The following PTPRG variants were observed in gnomAD, a reference collection of about 807,000 sequenced individuals.
PTPRG encodes the protein receptor-type tyrosine-protein phosphatase gamma.
A neutral mutation model predicts 165.3 loss-of-function variants in PTPRG; 102 were observed. That is an observed-to-expected ratio of 0.62 (90% confidence interval 0.53 to 0.73). The LOEUF (loss-of-function observed/expected upper bound fraction) is 0.73, where lower values mean the gene tolerates loss of function less well. Ranked by LOEUF, PTPRG falls within the 30% of genes least tolerant of loss-of-function variation. PTPRG has a pLI of 0.00. For missense variants in PTPRG, 1,866 were observed against 1,861.4 expected, an observed-to-expected ratio of 1.00 and a Z score of -0.05; for synonymous variants, 675 against 669.5, an observed-to-expected ratio of 1.01 and a Z score of -0.13.
At chr3:61,792,972 C>T (rs529305155) in intron 2 of PTPRG, among the ~76,000 whole-genome samples, 1 of 152,212 alleles carries the variant, frequency 6.6e-6, no homozygotes, top group South Asian at 2.1e-4. Flanking sequence ...CATGATCTGG[C>T]CACTTCGGCC....
chr3:62,292,684 T>G, intron 29 of PTPRG, 128 bp downstream of exon 29: 1 of 1,120,390 alleles, frequency 8.9e-7, no homozygotes, highest in Non-Finnish European at 1.3e-6. Flanking sequence ...GTCTGGAGAC[T>G]TTTTTGCTTG....
rs57167995 is a variant in PTPRG, at chr3:61,949,043, G to GAAA, written c.191-40570_191-40568dup. 2.2e-3 allele frequency among the ~76,000 whole-genome samples: 289 copies of GAAA among 128,648 alleles called. 6 individuals carry two copies. In the East Asian group the frequency reaches 0.024, roughly 11 times the overall value. The allele number at this position is 128,648 out of a possible 152,430, so 84.4% of individuals were successfully genotyped here. On this transcript the variant is annotated intron_variant, in intron 2 of 29. Transcript: ENST00000474889. ...GCACTTAACAAAAAAGACAAGCCAAGAAAAAAAAAAAAAAGCCATGGGACC... is the reference window on the plus strand; with the variant it reads ...GCACTTAACAAAAAAGACAAGCCAAGAAAAAAAAAAAAAAAAAGCCATGGGACC...
intron 1 of PTPRG, among the ~76,000 whole-genome samples, chr3:61,616,542 T>G (rs1177576361): frequency 6.6e-6 from 1 of 152,194 alleles, no homozygotes; most frequent in Non-Finnish European, 1.5e-5. Flanking sequence ...TACTCTTCCG[T>G]GTAGACACTT....
chr3:62,070,552 C>T (rs779803077), intron 4 of PTPRG, among the ~76,000 whole-genome samples: 6 of 152,188 alleles, frequency 3.9e-5, no homozygotes, highest in African/African-American at 4.8e-5. Context: ...TTACGTCCTG[C>T]GTGCATACAT....
At chr3:62,014,409 T>C (rs1488458170) in intron 4 of PTPRG, among the ~76,000 whole-genome samples, 1 of 152,196 alleles carries the variant, frequency 6.6e-6, no homozygotes, top group African/African-American at 2.4e-5. Flanking sequence ...CTCTTGAGTG[T>C]TGGAGGATGT....
intron 1 of PTPRG, among the ~76,000 whole-genome samples, chr3:61,692,108 T>C (rs1160548102): frequency 6.6e-6 from 1 of 152,260 alleles, no homozygotes. Flanking sequence ...CTTCTGCTCC[T>C]ACGCAGAGTT....
At position 62,215,546 on chromosome 3, in the gene PTPRG, A is replaced by ACCCC. The variant is rs35317755; in HGVS notation, c.2156-3296_2156-3293dup. Among the ~76,000 whole-genome samples the ACCCC allele has an allele frequency of 2.9e-3, 185 of 63,786 alleles. 4 individuals are homozygous for ACCCC. The highest frequency in any genetic ancestry group is 3.5e-3 in the Non-Finnish European group (120 of 34,114). The allele number at this position is 63,786 out of a possible 152,430, so 41.8% of individuals were successfully genotyped here. A position where few individuals can be genotyped will look rare whatever the true frequency, so the allele number is the denominator to read the frequency against. Reference sequence around the variant, plus strand: ...AGATAGGCTCCAACCCCCTACGGGAACCCCCCCCCCCCGCCAATTATTACA... The same window carrying ACCCC: ...AGATAGGCTCCAACCCCCTACGGGAACCCCCCCCCCCCCCCCGCCAATTATTACA... On this transcript the variant is annotated intron_variant, in intron 12 of 29. Transcript: ENST00000474889.
intron 2 of PTPRG, among the ~76,000 whole-genome samples, chr3:61,923,859 C>A (rs561862995): frequency 6.6e-6 from 1 of 151,642 alleles, no homozygotes; most frequent in South Asian, 2.1e-4. Context: ...TATCACTATG[C>A]TATTATGCTA....
Position 62,195,244 on chromosome 3 carries a change from T to C in PTPRG, c.1327+74T>C, listed in dbSNP as rs561413078. ...CCCAATGCTTTCTGCTTCTTCCTGCTCAGGTGCTGGGGAAAAATACAAACA... is the reference window on the plus strand; with the variant it reads ...CCCAATGCTTTCTGCTTCTTCCTGCCCAGGTGCTGGGGAAAAATACAAACA... On this transcript the variant is annotated intron_variant, in intron 10 of 29. Transcript: ENST00000474889. This position sits in a 1 kb window ranked among gnomAD's most constrained non-coding sequence, Gnocchi z 4.4. 2.3e-6 allele frequency: 3 copies of C among 1,332,468 alleles called. No homozygotes were observed. The highest frequency in any genetic ancestry group is 2.9e-5 in the African/African-American group (2 of 69,256). 82.5% of individuals were successfully genotyped at this position (1,332,468 alleles called of 1,614,324 possible). A position where few individuals can be genotyped will look rare whatever the true frequency, so the allele number is the denominator to read the frequency against.
rs544059386 is a variant in PTPRG, at chr3:61,820,333, C to T, written c.190+71351C>T. 4.6e-5 allele frequency among the ~76,000 whole-genome samples: 7 copies of T among 152,260 alleles called. No homozygotes were observed. The South Asian group carries it at 1.5e-3, about 32-fold the overall frequency. On this transcript the variant is annotated intron_variant, in intron 2 of 29. Transcript: ENST00000474889. ...CAGAGAGAAGATGTTTTCCCTTCCTCTGCCTTTTTGTTCTATTCAGGCACT... is the reference window on the plus strand; with the variant it reads ...CAGAGAGAAGATGTTTTCCCTTCCTTTGCCTTTTTGTTCTATTCAGGCACT...
At chr3:62,268,212 C>T (rs1329371114) in intron 19 of PTPRG, among the ~76,000 whole-genome samples, 1 of 151,914 alleles carries the variant, frequency 6.6e-6, no homozygotes, top group Non-Finnish European at 1.5e-5. Context: ...TTGAAAGAAG[C>T]GTGGTGTAGA....
rs528122246 is a variant in PTPRG at position 62,233,200 on chromosome 3, CT to C, written c.2375+1890del. On this transcript the variant is annotated intron_variant, in intron 14 of 29. Coordinates refer to ENST00000474889, the MANE Select transcript of PTPRG (RefSeq NM_002841.4). The surrounding 1 kb of genome is among the most constrained non-coding windows in gnomAD (Gnocchi z 4.7). ...CGGCGTGAATCCTGAGCAGTACCCC[CT>C]CTCACAGCTACATGTGCTATGCTAA... Among the ~76,000 whole-genome samples the C allele has an allele frequency of 4.1e-4, 62 of 152,304 alleles. No individual in the cohort carries two copies. The highest frequency in any genetic ancestry group is 7.1e-4 in the Non-Finnish European group (48 of 68,018).
chr3:61,624,022 A>G (rs552105810), intron 1 of PTPRG, among the ~76,000 whole-genome samples: 36 of 152,280 alleles, frequency 2.4e-4, no homozygotes, highest in Middle Eastern at 3.4e-3. Context: ...TGAAACCCCT[A>G]AAGAGCAGCC....
intron 2 of PTPRG, among the ~76,000 whole-genome samples, chr3:61,950,978 C>G (rs570271473): frequency 3.8e-4 from 58 of 152,234 alleles, no homozygotes; most frequent in Non-Finnish European, 7.9e-4. Context: ...CATGCCATCG[C>G]TCCCTTTCAG....
At chr3:62,025,742 A>G (rs12487725) in intron 4 of PTPRG, among the ~76,000 whole-genome samples, 2,097 of 152,348 alleles carry the variant, frequency 0.014, 94 homozygotes, top group East Asian at 0.11. Context: ...AAGGCACAAT[A>G]AAAAATTATC....
chr3:61,998,840 C>T (rs762765252), intron 3 of PTPRG, among the ~76,000 whole-genome samples: 1 of 152,206 alleles, frequency 6.6e-6, no homozygotes, highest in Admixed American at 6.5e-5. Flanking sequence ...TTGCTCTTAG[C>T]CCATCTGTCC....
chr3:62,042,640 C>T (rs1450070287), intron 4 of PTPRG, among the ~76,000 whole-genome samples: 1 of 152,110 alleles, frequency 6.6e-6, no homozygotes, highest in East Asian at 1.9e-4. Flanking sequence ...GCTTCAGGGT[C>T]TCCTCCAACC....
chr3:62,078,490 A>C (rs769142425), intron 5 of PTPRG, among the ~76,000 whole-genome samples: 1 of 152,212 alleles, frequency 6.6e-6, no homozygotes, highest in Non-Finnish European at 1.5e-5. Flanking sequence ...ACTGGTGCAC[A>C]GATTGAAGAA....
intron 1 of PTPRG, among the ~76,000 whole-genome samples, chr3:61,571,489 TACTTGC>T (rs1700054222): frequency 6.6e-6 from 1 of 152,230 alleles, no homozygotes; most frequent in Non-Finnish European, 1.5e-5. Flanking sequence ...TGTCTTCCTG[TACTTGC>T]TACAATTAAA....
Sources: gnomAD v4.1 joint callset for allele counts (sites outside exome capture counted in the v4.1 genomes callset) on GRCh38, gnomAD v4.1.1 for gene constraint, Gnocchi (gnomAD v3.1) non-coding constraint, MANE v1.5 for transcripts, NCBI Gene and HGNC (gene_info 2026-07-23, HGNC 2026-07-21) for gene names.